Variants in CDH12 observed in about 807,000 individuals in gnomAD.
CDH12 encodes cadherin 12.
A neutral mutation model predicts 74.1 loss-of-function variants in CDH12; 41 were observed. That is an observed-to-expected ratio of 0.55 (90% confidence interval 0.43 to 0.72). CDH12 has a LOEUF of 0.72. Among genes scored for constraint, CDH12 ranks in the 30% least tolerant of loss-of-function variants. The pLI is 0.00. For synonymous variants in CDH12, 399 were observed against 355.0 expected, an observed-to-expected ratio of 1.12 and a Z score of -1.39; for missense variants, 945 against 977.2, an observed-to-expected ratio of 0.97 and a Z score of 0.44.
At chr5:22,724,639 G>A (rs1744069953) in intron 1 of CDH12, among the ~76,000 whole-genome samples, 1 of 151,824 alleles carries the variant, frequency 6.6e-6, no homozygotes, top group South Asian at 2.1e-4. Context: ...TTGGTTTATA[G>A]GCACTTAGGT....
rs114614597 is a variant in CDH12 at position 21,769,993 on chromosome 5, C to T, written c.1394-4894G>A. On this transcript the variant is annotated intron_variant, in intron 11 of 14. Transcript: ENST00000382254. Reference sequence around the variant, plus strand: ...TCCAGATCTTCTCACAGTTTCTCAACGCTCTATGATAGCTATTAACTAACT... The same window carrying T: ...TCCAGATCTTCTCACAGTTTCTCAATGCTCTATGATAGCTATTAACTAACT... Among the ~76,000 whole-genome samples, 1,302 of 152,268 alleles carry T rather than the reference C, an allele frequency of 8.6e-3. 17 individuals carry two copies. Among genetic ancestry groups the T allele is most frequent in the African/African-American group, 0.029 (1,215 of 41,554 alleles).
At chr5:22,723,051 T>C (rs936165747) in intron 1 of CDH12, among the ~76,000 whole-genome samples, 1 of 152,196 alleles carries the variant, frequency 6.6e-6, no homozygotes, top group Admixed American at 6.5e-5. Context: ...TAACTCAATA[T>C]GTCTACACAG....
At chr5:22,066,205 T>C (rs1038279569) in intron 5 of CDH12, among the ~76,000 whole-genome samples, 3 of 152,134 alleles carry the variant, frequency 2.0e-5, no homozygotes, top group African/African-American at 7.2e-5. Context: ...CAGGTGGTAG[T>C]TGGTGATATG....
chr5:22,331,984 A>T (rs188955343), intron 3 of CDH12, among the ~76,000 whole-genome samples: 1 of 152,268 alleles, frequency 6.6e-6, no homozygotes, highest in African/African-American at 2.4e-5. Flanking sequence ...AAGAAAGAAT[A>T]AAAAAATGAA....
chr5:22,368,979 A>G (rs994924101), intron 3 of CDH12, among the ~76,000 whole-genome samples: 3 of 151,978 alleles, frequency 2.0e-5, no homozygotes, highest in African/African-American at 7.3e-5. Flanking sequence ...AAATACAAAA[A>G]TTAGCTAGGT....
At chr5:22,106,974 G>A (rs1415045238) in intron 4 of CDH12, among the ~76,000 whole-genome samples, 1 of 152,066 alleles carries the variant, frequency 6.6e-6, no homozygotes, top group African/African-American at 2.4e-5. Flanking sequence ...AACAACAAAG[G>A]AAGGTGTTTT....
intron 1 of CDH12, among the ~76,000 whole-genome samples, chr5:22,725,747 T>C (rs1476012758): frequency 1.3e-5 from 2 of 151,706 alleles, no homozygotes; most frequent in Non-Finnish European, 1.5e-5. Flanking sequence ...ATTCAGACTA[T>C]AGCAGCACAT....
chr5:22,487,762 A>G (rs1185714769), intron 2 of CDH12, among the ~76,000 whole-genome samples: 7 of 152,214 alleles, frequency 4.6e-5, no homozygotes, highest in Admixed American at 2.0e-4. Context: ...TACCACCTGC[A>G]TGTGTTTTAA....
chr5:21,753,410 C>T (rs999620631), intron 14 of CDH12, among the ~76,000 whole-genome samples: 3 of 152,124 alleles, frequency 2.0e-5, no homozygotes, highest in Non-Finnish European at 2.9e-5. Flanking sequence ...ATTGTTTGTT[C>T]CTCTACCAAG....
intron 6 of CDH12, among the ~76,000 whole-genome samples, chr5:21,951,766 A>G (rs1365642041): frequency 6.6e-6 from 1 of 152,254 alleles, no homozygotes; most frequent in African/African-American, 2.4e-5. Flanking sequence ...TATCTTCATT[A>G]TGCAAATAAA....
At chr5:22,251,378 A>C (rs182804424) in intron 3 of CDH12, among the ~76,000 whole-genome samples, 19 of 152,338 alleles carry the variant, frequency 1.2e-4, no homozygotes, top group African/African-American at 3.8e-4. Flanking sequence ...GAATCTACTC[A>C]AGAATGTTGC....
chr5:22,464,344 A>C (rs1416116533), intron 2 of CDH12, among the ~76,000 whole-genome samples: 1 of 152,114 alleles, frequency 6.6e-6, no homozygotes, highest in Admixed American at 6.6e-5. Flanking sequence ...TTAAAGTACA[A>C]ATATTGTCCT....
At chr5:21,779,743 G>A (rs1561177924) in intron 11 of CDH12, among the ~76,000 whole-genome samples, 1 of 152,300 alleles carries the variant, frequency 6.6e-6, no homozygotes, top group Non-Finnish European at 1.5e-5. Context: ...CAGGGCAAGT[G>A]TGGGCTATTC....
intron 6 of CDH12, among the ~76,000 whole-genome samples, chr5:21,974,860 T>C (rs1378872362): frequency 6.6e-6 from 1 of 152,170 alleles, no homozygotes; most frequent in East Asian, 1.9e-4. Context: ...TGAATTCAGG[T>C]AAATTCACAG....
Position 22,286,934 on chromosome 5 carries a change from C to T in CDH12, c.-332-74291G>A, listed in dbSNP as rs1409308474. 3.3e-5 allele frequency among the ~76,000 whole-genome samples: 5 copies of T among 152,138 alleles called. No individual in the cohort carries two copies. In the East Asian group the frequency reaches 7.7e-4, roughly 23 times the overall value. Reference sequence around the variant, plus strand: ...TTCCTGTCTCTGAGTTACAAAGTCCCTATATGCATCTTTAGACATTAAAGA... The same window carrying T: ...TTCCTGTCTCTGAGTTACAAAGTCCTTATATGCATCTTTAGACATTAAAGA... On this transcript the variant is annotated intron_variant, in intron 3 of 14. Coordinates refer to ENST00000382254, the MANE Select transcript of CDH12 (RefSeq NM_004061.5).
At chr5:22,329,513 A>G (rs940151554) in intron 3 of CDH12, among the ~76,000 whole-genome samples, 1 of 152,214 alleles carries the variant, frequency 6.6e-6, no homozygotes, top group African/African-American at 2.4e-5. Flanking sequence ...CCAAATTTTA[A>G]CAACCATCTG....
At chr5:22,623,930 G>A (rs1437946223) in intron 1 of CDH12, among the ~76,000 whole-genome samples, 2 of 152,172 alleles carry the variant, frequency 1.3e-5, no homozygotes, top group African/African-American at 4.8e-5. Flanking sequence ...CAAGGCTACA[G>A]TAAACAAAAC....
At chr5:22,608,928 C>T (rs72637716) in intron 1 of CDH12, among the ~76,000 whole-genome samples, 9,988 of 152,134 alleles carry the variant, frequency 0.066, 434 homozygotes, top group East Asian at 0.24. Context: ...TCAGGCAGTT[C>T]TTTATAGTGG....
intron 3 of CDH12, among the ~76,000 whole-genome samples, chr5:22,247,677 A>AAG (rs1554023972): frequency 5.3e-5 from 8 of 151,580 alleles, no homozygotes; most frequent in African/African-American, 1.9e-4. Flanking sequence ...TCCGTCAAAA[A>AAG]AAAAGAAAAG....
Sources: allele counts gnomAD v4.1 joint callset (sites outside exome capture counted in the v4.1 genomes callset), GRCh38; gene constraint gnomAD v4.1.1; transcripts MANE v1.5; gene names NCBI Gene and HGNC (gene_info 2026-07-23, HGNC 2026-07-21).